GPR39: variants seen among roughly 807,000 people sequenced by gnomAD.
GPR39 encodes the protein zinc sensing receptor.
In GPR39, 23 loss-of-function variants were observed where a neutral mutation model predicts 18.4. The ratio of observed to expected loss-of-function variants is 1.25; its 90% CI spans 0.90 to 1.77. GPR39 has a LOEUF of 1.77. Among genes scored for constraint, GPR39 ranks in the 40% most tolerant of loss-of-function variants. The pLI is 0.00. For missense variants in GPR39, 647 were observed against 602.4 expected, an observed-to-expected ratio of 1.07 and a Z score of -0.78; for synonymous variants, 280 against 257.9, an observed-to-expected ratio of 1.09 and a Z score of -0.82.
intron 1 of GPR39, among the ~76,000 whole-genome samples, chr2:132,583,501 A>G (rs1370067659): frequency 6.6e-6 from 1 of 152,090 alleles, no homozygotes; most frequent in Non-Finnish European, 1.5e-5. Context: ...CTCTGAATTC[A>G]GAAGTGCTGA....
Position 132,416,830 on chromosome 2 carries a change from C to T in GPR39, c.-213C>T. 1 of 626,948 alleles carries T rather than the reference C, an allele frequency of 1.6e-6. No homozygotes were observed. The highest frequency in any genetic ancestry group is 2.7e-5 in the East Asian group (1 of 36,596). The allele number at this position is 626,948 out of a possible 1,614,324, so 38.8% of individuals were successfully genotyped here. A position where few individuals can be genotyped will look rare whatever the true frequency, so the allele number is the denominator to read the frequency against. On this transcript the variant is annotated 5_prime_UTR_variant, in exon 1 of 2. Coordinates refer to ENST00000329321, the MANE Select transcript of GPR39 (RefSeq NM_001508.3). Reference sequence around the variant, plus strand: ...ACATACACTCCCAAACCTCAACACCCAGGCGCCTCCTGGGCCTCTCCTAGG... The same window carrying T: ...ACATACACTCCCAAACCTCAACACCTAGGCGCCTCCTGGGCCTCTCCTAGG...
At chr2:132,482,529 A>G (rs1377716133) in intron 1 of GPR39, among the ~76,000 whole-genome samples, 2 of 152,190 alleles carry the variant, frequency 1.3e-5, no homozygotes, top group Non-Finnish European at 2.9e-5. Context: ...TACGTGGATC[A>G]AAGCAAGTGG....
In GPR39 at chr2:132,417,809, C is replaced by T. The variant is rs961319702; in HGVS notation, c.767C>T (p.Ser256Leu). The change falls in exon 1 of 2, where the codon TCG (serine) becomes TTG (leucine). Residue 256 changes from serine (S) to leucine (L), a missense_variant. This residue lies in a region of GPR39 where 581 missense variants were observed against 506.8 expected (regional missense o/e 1.15). Coordinates refer to ENST00000329321, the MANE Select transcript of GPR39 (RefSeq NM_001508.3). The part of the protein sequence containing the change: ...MQVLMKSQKG[S>L]LAGGTRPPQL... The stretch of plus-strand genomic sequence containing the variant: ...GTGCTCATGAAAAGCCAGAAGGGCT[C>T]GCTGGCCGGGGGCACGCGGCCTCCG... 3.7e-6 allele frequency: 6 copies of T among 1,614,038 alleles called. No individual in the cohort carries two copies. Among genetic ancestry groups the T allele is most frequent in the Non-Finnish European group, 5.1e-6 (6 of 1,180,028 alleles).
In GPR39 at chr2:132,512,681, A is replaced by T. The variant is rs188255224; in HGVS notation, c.856+94783A>T. Among the ~76,000 whole-genome samples the T allele has an allele frequency of 5.3e-3, 801 of 152,330 alleles. 2 individuals carry two copies. The highest frequency in any genetic ancestry group is 8.1e-3 in the Non-Finnish European group (554 of 68,038). Reference sequence around the variant, plus strand: ...CTAATGGAGTTGTTGTGAAGATTGAATAAGAATAAAGTACACACTAGTGCC... The same window carrying T: ...CTAATGGAGTTGTTGTGAAGATTGATTAAGAATAAAGTACACACTAGTGCC... On this transcript the variant is annotated intron_variant, in intron 1 of 1. Transcript: ENST00000329321.
chr2:132,640,202 A>G (rs1363702223), intron 1 of GPR39, among the ~76,000 whole-genome samples: 1 of 152,240 alleles, frequency 6.6e-6, no homozygotes, highest in African/African-American at 2.4e-5. Context: ...AGATACATCA[A>G]TGCCACCATG....
chr2:132,541,133 G>T (rs1482721026), intron 1 of GPR39, among the ~76,000 whole-genome samples: 2 of 151,946 alleles, frequency 1.3e-5, no homozygotes, highest in African/African-American at 4.8e-5. Context: ...AACCAGGCTG[G>T]AGTGCAGTGG....
chr2:132,531,396 A>T (rs568103669), intron 1 of GPR39, among the ~76,000 whole-genome samples: 1 of 152,214 alleles, frequency 6.6e-6, no homozygotes, highest in African/African-American at 2.4e-5. Context: ...CTCCCACACA[A>T]TAATAATGGG....
At chr2:132,568,671 A>T (rs75969792) in intron 1 of GPR39, among the ~76,000 whole-genome samples, 30,019 of 151,832 alleles carry the variant, frequency 0.2, 3,485 homozygotes, top group Non-Finnish European at 0.26. Flanking sequence ...GTGTCACTGC[A>T]CTCCAGTCTG....
At chr2:132,448,158 G>T (rs1267552960) in intron 1 of GPR39, among the ~76,000 whole-genome samples, 1 of 152,102 alleles carries the variant, frequency 6.6e-6, no homozygotes, top group African/African-American at 2.4e-5. Context: ...CTTTTTATGA[G>T]AGTTCTTTGG....
chr2:132,446,721 G>A (rs1236830553), intron 1 of GPR39, among the ~76,000 whole-genome samples: 1 of 152,114 alleles, frequency 6.6e-6, no homozygotes, highest in Non-Finnish European at 1.5e-5. Context: ...TAGAGGTGGA[G>A]CAGGGGCAGT....
At chr2:132,455,360 A>T (rs931163629) in intron 1 of GPR39, among the ~76,000 whole-genome samples, 27 of 151,416 alleles carry the variant, frequency 1.8e-4, no homozygotes, top group Admixed American at 2.6e-4. Flanking sequence ...TGTCTATTTG[A>T]TTCTTCTCTC....
chr2:132,420,923 A>C (rs548527789), intron 1 of GPR39, among the ~76,000 whole-genome samples: 1 of 152,294 alleles, frequency 6.6e-6, no homozygotes, highest in East Asian at 1.9e-4. Context: ...AGTGATGCAA[A>C]AGTGCACATT....
intron 1 of GPR39, among the ~76,000 whole-genome samples, chr2:132,603,316 T>A (rs1352841908): frequency 6.6e-6 from 1 of 151,890 alleles, no homozygotes; most frequent in African/African-American, 2.4e-5. Flanking sequence ...ATGTGGGAGA[T>A]AAAAAAAATT....
rs1239112989 is a variant in GPR39 at position 132,426,964 on chromosome 2, CTCTT to C, written c.856+9072_856+9075del. On this transcript the variant is annotated intron_variant, in intron 1 of 1. Transcript: ENST00000329321. ...ATTAAACTTGCAGAGAGAAGCCACT[CTCTT>C]TCTTTAGTGAAGAGGAAAAAGATCA... Among the ~76,000 whole-genome samples, 2 of 151,890 alleles carry C rather than the reference CTCTT, an allele frequency of 1.3e-5. 1 individual carries two copies. Among genetic ancestry groups the C allele is most frequent in the Middle Eastern group, 6.4e-3 (2 of 314 alleles).
intron 1 of GPR39, among the ~76,000 whole-genome samples, chr2:132,632,614 C>T (rs1244523718): frequency 6.6e-6 from 1 of 152,178 alleles, no homozygotes; most frequent in Non-Finnish European, 1.5e-5. Context: ...CTGACACTTT[C>T]CTGCTGTGTG....
At chr2:132,618,578 A>G (rs1403103566) in intron 1 of GPR39, among the ~76,000 whole-genome samples, 1 of 152,104 alleles carries the variant, frequency 6.6e-6, no homozygotes, top group East Asian at 1.9e-4. Context: ...TGTGGGTGCC[A>G]AGGAGCCCAG....
chr2:132,527,783 G>A (rs765510404), intron 1 of GPR39, among the ~76,000 whole-genome samples: 2 of 152,092 alleles, frequency 1.3e-5, no homozygotes, highest in Non-Finnish European at 2.9e-5. Context: ...TTTTTATGGG[G>A]TTGTTTTTTT....
At chr2:132,499,050 T>C (rs1681702057) in intron 1 of GPR39, among the ~76,000 whole-genome samples, 1 of 152,222 alleles carries the variant, frequency 6.6e-6, no homozygotes, top group Admixed American at 6.5e-5. Flanking sequence ...TGAGCAGAAC[T>C]TTTTAGTTTA....
chr2:132,493,213 T>C (rs1681543636), intron 1 of GPR39, among the ~76,000 whole-genome samples: 1 of 140,250 alleles, frequency 7.1e-6, no homozygotes, highest in Admixed American at 7.1e-5. Flanking sequence ...ACACCATATA[T>C]GTACACCATA....
Sources: allele counts gnomAD v4.1 joint callset (sites outside exome capture counted in the v4.1 genomes callset), GRCh38; gene constraint gnomAD v4.1.1; regional missense constraint gnomAD v4.1.1; transcripts MANE v1.5; gene names NCBI Gene and HGNC (gene_info 2026-07-23, HGNC 2026-07-21).